HTR7: variants seen among roughly 807,000 people sequenced by gnomAD.
HTR7 encodes 5-hydroxytryptamine receptor 7.
In HTR7, 16 loss-of-function variants were observed where a neutral mutation model predicts 34.0. The ratio of observed to expected loss-of-function variants is 0.47; its 90% CI spans 0.32 to 0.71. The LOEUF (loss-of-function observed/expected upper bound fraction) is 0.71, where lower values mean the gene tolerates loss of function less well. Among genes scored for constraint, HTR7 ranks in the 30% least tolerant of loss-of-function variants. The pLI, the probability that HTR7 is intolerant of heterozygous loss-of-function variation, is 0.04. For synonymous variants in HTR7, 265 were observed against 260.2 expected (o/e 1.02, Z -0.18); for missense variants, 504 against 625.5 (o/e 0.81, Z 2.07).
Position 90,773,016 on chromosome 10 carries a change from T to C in HTR7, c.540-23422A>G, listed in dbSNP as rs530659973. On this transcript the variant is annotated intron_variant, in intron 1 of 3. Coordinates refer to ENST00000336152, the MANE Select transcript of HTR7 (RefSeq NM_019859.4). ...TCCTCTTAACCAATACACACACACA[T>C]AATCATTTACAAAGTATATCCATAC... Among the ~76,000 whole-genome samples, 6 of 152,330 alleles carry C rather than the reference T, an allele frequency of 3.9e-5. No homozygotes were observed. The South Asian group carries it at 1.2e-3, about 32-fold the overall frequency.
intron 1 of HTR7, among the ~76,000 whole-genome samples, chr10:90,837,074 G>GCTT (rs1233895025): frequency 2.6e-5 from 4 of 152,092 alleles, no homozygotes; most frequent in African/African-American, 9.7e-5. Flanking sequence ...CCTGGCCCCA[G>GCTT]CTTCCCTACT....
intron 1 of HTR7, among the ~76,000 whole-genome samples, chr10:90,775,995 T>G (rs1340557216): frequency 6.6e-6 from 1 of 152,370 alleles, no homozygotes; most frequent in South Asian, 2.1e-4. Context: ...CTAAATATAA[T>G]TTCCACATAT....
intron 1 of HTR7, among the ~76,000 whole-genome samples, chr10:90,855,140 A>G (rs959071281): frequency 6.6e-6 from 1 of 152,236 alleles, no homozygotes; most frequent in Non-Finnish European, 1.5e-5. Context: ...GAATTCACCA[A>G]TGGGGCAATT....
At chr10:90,815,073 AT>A (rs560360112) in intron 1 of HTR7, among the ~76,000 whole-genome samples, 25 of 140,616 alleles carry the variant, frequency 1.8e-4, no homozygotes, top group African/African-American at 5.2e-4. Context: ...CAAAAGTTGG[AT>A]TTTTTTTTTG....
rs146218315 is a variant in HTR7 at position 90,765,780 on chromosome 10, T to C, written c.540-16186A>G. Among the ~76,000 whole-genome samples the C allele has an allele frequency of 2.0e-4, 30 of 152,292 alleles. No individual in the cohort carries two copies. In the East Asian group the frequency reaches 3.5e-3, roughly 18 times the overall value. ...CTCTTTACATTTCTTCTTTGACCCA[T>C]TGGTTGTTCAGAACTATGTTGTTTA... On this transcript the variant is annotated intron_variant, in intron 1 of 3. Transcript: ENST00000336152.
At chr10:90,809,978 T>C (rs1845777666) in intron 1 of HTR7, among the ~76,000 whole-genome samples, 5 of 152,132 alleles carry the variant, frequency 3.3e-5, no homozygotes, top group Admixed American at 3.3e-4. Flanking sequence ...GGAAGGTAAG[T>C]CCGTCCCCTT....
chr10:90,814,152 T>C (rs1464804393), intron 1 of HTR7, among the ~76,000 whole-genome samples: 3 of 152,214 alleles, frequency 2.0e-5, no homozygotes, highest in African/African-American at 7.2e-5. Context: ...TGCTGTTTCA[T>C]AGCTAGCCTA....
At chr10:90,774,422 T>TC (rs1845171568) in intron 1 of HTR7, among the ~76,000 whole-genome samples, 2 of 152,222 alleles carry the variant, frequency 1.3e-5, no homozygotes, top group South Asian at 4.1e-4. Flanking sequence ...ACCAGCTTGT[T>TC]CCTTGGGGAG....
chr10:90,778,579 A>C (rs894006370), intron 1 of HTR7, among the ~76,000 whole-genome samples: 1 of 152,210 alleles, frequency 6.6e-6, no homozygotes, highest in East Asian at 1.9e-4. Flanking sequence ...TGTTACAAAC[A>C]ACAGAAAATA....
intron 1 of HTR7, among the ~76,000 whole-genome samples, chr10:90,771,721 C>T (rs1296095520): frequency 2.6e-5 from 4 of 152,180 alleles, no homozygotes; most frequent in African/African-American, 9.7e-5. Context: ...CTCACCACTC[C>T]ACACCTGACT....
At chr10:90,840,408 C>T (rs1215667042) in intron 1 of HTR7, among the ~76,000 whole-genome samples, 3 of 152,082 alleles carry the variant, frequency 2.0e-5, no homozygotes, top group African/African-American at 7.2e-5. Context: ...AGGAGTAAAG[C>T]CAAGTGATCA....
At chr10:90,803,338 G>T (rs996718018) in intron 1 of HTR7, among the ~76,000 whole-genome samples, 2 of 152,100 alleles carry the variant, frequency 1.3e-5, no homozygotes, top group South Asian at 4.1e-4. Flanking sequence ...TTGGGGTAGG[G>T]TATTCACATG....
At chr10:90,804,787 G>A (rs560253194) in intron 1 of HTR7, among the ~76,000 whole-genome samples, 2 of 152,128 alleles carry the variant, frequency 1.3e-5, no homozygotes, top group African/African-American at 4.8e-5. Flanking sequence ...TCTCTTTTTG[G>A]ATCCTGTCTT....
At chr10:90,844,798 G>GATCT (rs959857252) in intron 1 of HTR7, among the ~76,000 whole-genome samples, 4 of 141,098 alleles carry the variant, frequency 2.8e-5, no homozygotes, top group Non-Finnish European at 6.0e-5. Context: ...CACTCTGGCT[G>GATCT]CACATTGGGA....
chr10:90,854,330 G>C (rs1341275277), intron 1 of HTR7, among the ~76,000 whole-genome samples: 2 of 152,036 alleles, frequency 1.3e-5, no homozygotes, highest in East Asian at 3.8e-4. Context: ...CTCCAGCCTG[G>C]GTAACAGAGT....
intron 1 of HTR7, among the ~76,000 whole-genome samples, chr10:90,796,485 C>T (rs553436764): frequency 5.3e-5 from 8 of 152,302 alleles, no homozygotes; most frequent in African/African-American, 1.7e-4. Context: ...TGTGGTGGCT[C>T]AAACCTGTAA....
intron 1 of HTR7, among the ~76,000 whole-genome samples, chr10:90,800,424 G>T (rs1232776261): frequency 6.6e-6 from 1 of 152,142 alleles, no homozygotes; most frequent in African/African-American, 2.4e-5. Flanking sequence ...ACAAGGGATA[G>T]ATTAGCCACG....
intron 1 of HTR7, among the ~76,000 whole-genome samples, chr10:90,846,213 T>C (rs1228950182): frequency 1.3e-5 from 2 of 152,210 alleles, no homozygotes; most frequent in African/African-American, 4.8e-5. Flanking sequence ...AAAATCAAAA[T>C]ATTTATCAGT....
At chr10:90,808,231 T>C (rs900681366) in intron 1 of HTR7, among the ~76,000 whole-genome samples, 1 of 151,490 alleles carries the variant, frequency 6.6e-6, no homozygotes, top group Non-Finnish European at 1.5e-5. Flanking sequence ...CTTCTCTCTG[T>C]GTCTCTACCC....
Sources: gnomAD v4.1 joint callset for allele counts (sites outside exome capture counted in the v4.1 genomes callset) on GRCh38, gnomAD v4.1.1 for gene constraint, MANE v1.5 for transcripts, NCBI Gene and HGNC (gene_info 2026-07-23, HGNC 2026-07-21) for gene names.